Variants in EFHB observed in about 807,000 individuals in gnomAD.
EFHB encodes the protein EF-hand domain family member B.
A neutral mutation model predicts 87.2 loss-of-function variants in EFHB; 91 were observed. The ratio of observed to expected loss-of-function variants is 1.04; its 90% confidence interval spans 0.88 to 1.24. The LOEUF (loss-of-function observed/expected upper bound fraction) is 1.24. Among genes scored for constraint, EFHB ranks in the 50% most tolerant of loss-of-function variants. EFHB has a pLI of 0.00. For synonymous variants in EFHB, 325 were observed against 333.6 expected (o/e 0.97, Z 0.28); for missense variants, 1,084 against 998.8 (o/e 1.09, Z -1.15).
At chr3:19,945,853 A>G (rs1421901855) in intron 1 of EFHB, 1 of 152,206 alleles carries the variant, frequency 6.6e-6, no homozygotes, top group African/African-American at 2.4e-5. Flanking sequence ...TACGCCCATA[A>G]GATACCTTAA....
intron 1 of EFHB, among the ~76,000 whole-genome samples, chr3:19,926,169 A>G (rs980788469): frequency 6.6e-6 from 1 of 152,198 alleles, no homozygotes; most frequent in Non-Finnish European, 1.5e-5. Flanking sequence ...TTCTACTAGT[A>G]TAGAACAGGA....
intron 5 of EFHB, among the ~76,000 whole-genome samples, chr3:19,913,620 A>G (rs1695132402): frequency 6.6e-6 from 1 of 152,186 alleles, no homozygotes; most frequent in East Asian, 1.9e-4. Context: ...CCATACTACC[A>G]AAAGCAATCT....
At chr3:19,894,989 A>AAAAAAAAAATATATATATAT (rs369564576) in intron 9 of EFHB, 3 of 144,524 alleles carry the variant, frequency 2.1e-5, no homozygotes, top group African/African-American at 7.9e-5. Context: ...TGTCTCAAAA[A>AAAAAAAAAATATATATATAT]ATATATATAT....
rs746207312 is a variant in EFHB at position 19,888,624 on chromosome 3, C to T, written c.1753G>A (p.Glu585Lys). The T allele has an allele frequency of 5.0e-6, 8 of 1,606,346 alleles. No homozygotes were observed. Among genetic ancestry groups the T allele is most frequent in the Admixed American group, 1.7e-5 (1 of 59,172 alleles). Reference protein sequence around the residue: ...KKGDGMIDKDELQEACDQANL... With the variant: ...KKGDGMIDKDKLQEACDQANL... ...GCCTGGTCACAAGCTTCCTGCAGCT[C>T]GTCTTTATCTATCATCCCATCTCCC... The change falls in exon 10 of 13, where the codon GAG becomes AAG. Residue 585 changes from glutamate (E) to lysine (K), a missense_variant. Glu to Lys is a moderately conservative substitution (Grantham distance 56). Coordinates refer to ENST00000295824, the MANE Select transcript of EFHB (RefSeq NM_144715.4).
chr3:19,924,338 C>G (rs959695197), intron 1 of EFHB, among the ~76,000 whole-genome samples: 1 of 151,698 alleles, frequency 6.6e-6, no homozygotes, highest in Non-Finnish European at 1.5e-5. Context: ...CTCAGCCTCC[C>G]GAGTAGCTGG....
Position 19,884,616 on chromosome 3 carries a change from CT to C in EFHB, c.1934-2del. 1 of 1,609,884 alleles carries C rather than the reference CT, an allele frequency of 6.2e-7. No homozygotes were observed. Among genetic ancestry groups the C allele is most frequent in the Non-Finnish European group, 8.5e-7 (1 of 1,178,812 alleles). On this transcript the variant is annotated splice_acceptor_variant, in intron 10 of 12. Transcript: ENST00000295824. LOFTEE classifies it high-confidence loss of function. ...GGGTTTACACAATCTGGTTTTCTAC[CT>C]TTAAGGAAAATAAATGAAAGAAAAA...
At chr3:19,889,484 G>A (rs1398959759) in intron 9 of EFHB, among the ~76,000 whole-genome samples, 1 of 152,210 alleles carries the variant, frequency 6.6e-6, no homozygotes, top group Non-Finnish European at 1.5e-5. Flanking sequence ...TAACTCCCAA[G>A]AGGAATCATA....
At position 19,933,702 on chromosome 3, in the gene EFHB, G is replaced by A. The variant is rs183445182; in HGVS notation, c.317C>T (p.Pro106Leu). The change falls in exon 1 of 13, where the codon CCA becomes CTA. Residue 106 changes from proline (P) to leucine (L), a missense_variant. By Grantham distance (98) the Pro-to-Leu change is moderately conservative. Transcript: ENST00000295824. ...CTCATTTTCTAACCCCATTCTTCCT[G>A]GCAACAGAGAAGGTTTTGTTCCCTG... is the stretch of plus-strand genomic sequence containing the variant. ...ASQGTKPSLL[P>L]GRMGLENESL... The A allele has an allele frequency of 3.1e-5, 50 of 1,613,918 alleles. No individual in the cohort carries two copies. The African/African-American group carries it at 4.4e-4, about 14-fold the overall frequency.
chr3:19,920,673 A>G (rs1695408590), intron 1 of EFHB, 106 bp from the exon 2 acceptor site: 2 of 798,922 alleles, frequency 2.5e-6, no homozygotes, highest in African/African-American at 3.6e-5. Context: ...CTACAAAGTT[A>G]CTTTTGACTA....
At chr3:19,919,196 TG>T (rs200457396) in intron 3 of EFHB, among the ~76,000 whole-genome samples, 37 of 150,266 alleles carry the variant, frequency 2.5e-4, no homozygotes, top group Non-Finnish European at 2.8e-4. Context: ...AGTCTTTTTT[TG>T]TTTGTTTGTT....
rs371673398 is a variant in EFHB at position 19,945,477 on chromosome 3, T to G, written c.-32+1442A>C. 9.9e-5 allele frequency among the ~76,000 whole-genome samples: 15 copies of G among 152,282 alleles called. No homozygotes were observed. The East Asian group carries it at 2.7e-3, about 27-fold the overall frequency. On this transcript the variant is annotated intron_variant, in intron 1 of 14. Coordinates refer to the EFHB transcript ENST00000344838. ...GGGATTAGATAATTTGTTGATAGAA[T>G]GGACAATGGTTTGTGAGGAGAAGAA...
intron 5 of EFHB, among the ~76,000 whole-genome samples, chr3:19,908,649 A>G (rs1559459989): frequency 6.6e-6 from 1 of 151,424 alleles, no homozygotes; most frequent in South Asian, 2.1e-4. Context: ...AGAAAGAAAG[A>G]AAGAAAAAGA....
At chr3:19,893,503 T>C (rs963282572) in intron 9 of EFHB, among the ~76,000 whole-genome samples, 9 of 152,146 alleles carry the variant, frequency 5.9e-5, no homozygotes, top group Admixed American at 1.3e-4. Context: ...CCCAGGATGT[T>C]CAGGGGAGTG....
intron 5 of EFHB, among the ~76,000 whole-genome samples, chr3:19,910,416 T>G (rs1695014794): frequency 6.6e-6 from 1 of 152,040 alleles, no homozygotes. Flanking sequence ...GTGGTTTGAG[T>G]GCCAGCTCAG....
Position 19,915,292 on chromosome 3 carries a change from A to T in EFHB, c.1288+11T>A. 1 of 1,588,974 alleles carries T rather than the reference A, an allele frequency of 6.3e-7. No homozygotes were observed. The highest frequency in any genetic ancestry group is 8.6e-7 in the Non-Finnish European group (1 of 1,159,860). ...TATCCTCAGGCCCATTTTGCATCGG[A>T]GGACACTTACCTGCATAATAATCAT... On this transcript the variant is annotated intron_variant, in intron 5 of 12. Coordinates refer to ENST00000295824, the MANE Select transcript of EFHB (RefSeq NM_144715.4).
intron 9 of EFHB, among the ~76,000 whole-genome samples, chr3:19,888,983 G>A (rs569669295): frequency 2.6e-5 from 4 of 152,336 alleles, no homozygotes; most frequent in South Asian, 4.1e-4. Flanking sequence ...AGAAATTGGG[G>A]AGATAGTTGC....
chr3:19,917,825 C>G (rs920312265), intron 4 of EFHB, among the ~76,000 whole-genome samples: 1 of 152,112 alleles, frequency 6.6e-6, no homozygotes, highest in Non-Finnish European at 1.5e-5. Flanking sequence ...CAGCATTTAC[C>G]ATACTTATCT....
chr3:19,922,644 C>T (rs552975742), intron 1 of EFHB, among the ~76,000 whole-genome samples: 7 of 152,218 alleles, frequency 4.6e-5, no homozygotes, highest in Middle Eastern at 3.4e-3. Context: ...AAGGCAGTAG[C>T]GCATCATGAA....
rs1695312728 is a variant in EFHB at position 19,918,404 on chromosome 3, T to C, written c.1005A>G (p.Thr335=). 2 of 1,587,930 alleles carry C rather than the reference T, an allele frequency of 1.3e-6. No individual in the cohort carries two copies. Among genetic ancestry groups the C allele is most frequent in the South Asian group, 2.4e-5 (2 of 85,058 alleles). The stretch of plus-strand genomic sequence containing the variant: ...TGGTAATAGGCTGTGGGTTTATCAA[T>C]GTGTTTGCCTAAAGAAATCATACAA... ...IRSKISVLAN[T]LINPQPITTF... Residue 335 remains threonine (T), a synonymous_variant, in exon 4 of 13, where the codon ACA becomes ACG. Coordinates refer to ENST00000295824, the MANE Select transcript of EFHB (RefSeq NM_144715.4).
Sources: allele counts gnomAD v4.1 joint callset (sites outside exome capture counted in the v4.1 genomes callset), GRCh38; gene constraint gnomAD v4.1.1; transcripts MANE v1.5; gene names NCBI Gene and HGNC (gene_info 2026-07-23, HGNC 2026-07-21).